FSTL4: variants seen among roughly 807,000 people sequenced by gnomAD.
FSTL4 encodes follistatin-related protein 4.
FSTL4 carries 28 observed loss-of-function variants against 78.2 expected under a neutral mutation model. That is an observed-to-expected ratio of 0.36 (90% CI 0.27 to 0.49). FSTL4 has a LOEUF of 0.49. Ranked by LOEUF, FSTL4 falls within the 20% of genes least tolerant of loss-of-function variation. The pLI, the probability that FSTL4 is intolerant of heterozygous loss-of-function variation, is 0.98. For missense variants in FSTL4, 922 were observed against 1,084.9 expected, an observed-to-expected ratio of 0.85 and a Z score of 2.11; for synonymous variants, 422 against 440.5, an observed-to-expected ratio of 0.96 and a Z score of 0.53.
chr5:133,278,400 C>T (rs903430844), intron 6 of FSTL4, among the ~76,000 whole-genome samples: 13 of 152,244 alleles, frequency 8.5e-5, no homozygotes, highest in Non-Finnish European at 2.9e-5. Context: ...CCTCCAGCCA[C>T]ATGGAGAGCC....
intron 3 of FSTL4, among the ~76,000 whole-genome samples, chr5:133,529,306 T>C (rs1759202160): frequency 6.6e-6 from 1 of 152,240 alleles, no homozygotes; most frequent in African/African-American, 2.4e-5. Flanking sequence ...ATCCATGTTT[T>C]AATTAAGAAT....
intron 6 of FSTL4, among the ~76,000 whole-genome samples, chr5:133,293,286 G>A (rs1271323294): frequency 6.6e-6 from 1 of 152,216 alleles, no homozygotes; most frequent in Non-Finnish European, 1.5e-5. Flanking sequence ...GCCCTTTTCT[G>A]TTCCCACTTT....
At chr5:133,492,560 T>C (rs976493518) in intron 3 of FSTL4, among the ~76,000 whole-genome samples, 2 of 152,228 alleles carry the variant, frequency 1.3e-5, no homozygotes, top group Non-Finnish European at 2.9e-5. Flanking sequence ...TTGTTGCTAA[T>C]GAAGTTTGCA....
chr5:133,264,838 C>T (rs113861430), intron 6 of FSTL4, among the ~76,000 whole-genome samples: 1 of 152,208 alleles, frequency 6.6e-6, no homozygotes, highest in South Asian at 2.1e-4. Context: ...GTTTGGAAAT[C>T]TCCACATCTT....
chr5:133,517,090 C>T (rs529541378), intron 3 of FSTL4, among the ~76,000 whole-genome samples: 2 of 146,532 alleles, frequency 1.4e-5, no homozygotes, highest in African/African-American at 2.6e-5. Context: ...AAAAAAAAAT[C>T]GGCCTTATAG....
chr5:133,619,283 A>T, the FSTL4 span, among the ~76,000 whole-genome samples: 1 of 152,194 alleles, frequency 6.6e-6, no homozygotes, highest in South Asian at 2.1e-4. Context: ...AGGATGGTGG[A>T]ACAGGGAGAG....
In FSTL4 at chr5:133,574,083, G is replaced by A. The variant is rs143541929; in HGVS notation, c.127-6864C>T. On this transcript the variant is annotated intron_variant, in intron 2 of 15. Coordinates refer to ENST00000265342, the MANE Select transcript of FSTL4 (RefSeq NM_015082.2). ...TCTGTTTATTAAAAGATAGGATCAA[G>A]ACAATGAAAAGGGAAGCCATTAAGG... Among the ~76,000 whole-genome samples, 311 of 152,200 alleles carry A rather than the reference G, an allele frequency of 2.0e-3. 2 individuals are homozygous for A. Among genetic ancestry groups the A allele is most frequent in the Middle Eastern group, 0.01 (3 of 294 alleles).
chr5:133,839,912 G>A, the FSTL4 span, among the ~76,000 whole-genome samples: 1 of 152,234 alleles, frequency 6.6e-6, no homozygotes, highest in Non-Finnish European at 1.5e-5. Flanking sequence ...GGCAGGTCTT[G>A]TGTGAGCTTC....
chr5:133,233,292 A>C (rs77915493), intron 8 of FSTL4, 125 bp downstream of exon 8: 126,072 of 1,047,626 alleles, frequency 0.12, 8,236 homozygotes, highest in Admixed American at 0.19. Context: ...CTTATAAGAG[A>C]GATGATATAT....
intron 2 of FSTL4, among the ~76,000 whole-genome samples, chr5:133,601,690 T>C (rs923641646): frequency 4.1e-5 from 6 of 147,738 alleles, no homozygotes; most frequent in African/African-American, 5.2e-5. Context: ...TTCTTTCTTT[T>C]TTTTTTTTCT....
chr5:133,480,491 G>A (rs746831105), intron 3 of FSTL4, among the ~76,000 whole-genome samples: 1 of 152,098 alleles, frequency 6.6e-6, no homozygotes, highest in Non-Finnish European at 1.5e-5. Flanking sequence ...GGCTTTCAAA[G>A]TCACCAAGGT....
At chr5:133,484,256 G>C (rs1328407049) in intron 3 of FSTL4, among the ~76,000 whole-genome samples, 2 of 152,204 alleles carry the variant, frequency 1.3e-5, no homozygotes, top group Admixed American at 1.3e-4. Context: ...CATTGAAATG[G>C]AGGAAGAAAA....
chr5:133,713,351 G>A, the FSTL4 span, among the ~76,000 whole-genome samples: 1 of 152,158 alleles, frequency 6.6e-6, no homozygotes, highest in Non-Finnish European at 1.5e-5. Context: ...GATCTGATAG[G>A]AAGGAAATAG....
At chr5:133,488,975 C>T (rs1215669309) in intron 3 of FSTL4, among the ~76,000 whole-genome samples, 1 of 152,192 alleles carries the variant, frequency 6.6e-6, no homozygotes, top group African/African-American at 2.4e-5. Flanking sequence ...TCTTGTCAAC[C>T]CCCCATTGGA....
chr5:133,596,320 C>G (rs535692111), intron 2 of FSTL4, among the ~76,000 whole-genome samples: 1 of 152,338 alleles, frequency 6.6e-6, no homozygotes, highest in African/African-American at 2.4e-5. Flanking sequence ...ACCTCTGAGG[C>G]TAGGCCAACT....
chr5:133,365,965 C>A (rs1404859579), intron 4 of FSTL4, among the ~76,000 whole-genome samples: 1 of 152,222 alleles, frequency 6.6e-6, no homozygotes, highest in Non-Finnish European at 1.5e-5. Flanking sequence ...CCTTCTTCCA[C>A]CCCTTGCAGA....
chr5:133,693,509 G>A, the FSTL4 span, among the ~76,000 whole-genome samples: 32 of 152,134 alleles, frequency 2.1e-4, no homozygotes, highest in Non-Finnish European at 3.1e-4. Flanking sequence ...AAGAACTGGC[G>A]TGGATTAGTG....
chr5:133,823,113 C>A, the FSTL4 span, among the ~76,000 whole-genome samples: 1 of 152,100 alleles, frequency 6.6e-6, no homozygotes, highest in African/African-American at 2.4e-5. Context: ...GACAAACCTT[C>A]AAGGCAAGAA....
upstream of FSTL4, among the ~76,000 whole-genome samples, chr5:133,614,813 C>A (rs1288632308): frequency 1.3e-5 from 2 of 152,130 alleles, no homozygotes; most frequent in Non-Finnish European, 2.9e-5. Flanking sequence ...TAAAAGGAAA[C>A]ATAAATTCCA....
Sources: allele counts gnomAD v4.1 joint callset (sites outside exome capture counted in the v4.1 genomes callset), GRCh38; gene constraint gnomAD v4.1.1; transcripts MANE v1.5; gene names NCBI Gene and HGNC (gene_info 2026-07-23, HGNC 2026-07-21).